TAFA1: variants seen among roughly 807,000 people sequenced by gnomAD.
The protein encoded by TAFA1 is TAFA chemokine like family member 1.
Under a neutral mutation model 18.5 loss-of-function variants are expected in TAFA1, and 4 were observed. That is an observed-to-expected ratio of 0.22 (90% CI 0.11 to 0.49). The LOEUF (loss-of-function observed/expected upper bound fraction) is 0.49. TAFA1 is among the 20% of genes least tolerant of loss of function. The pLI is 0.98. For synonymous variants in TAFA1, 56 were observed against 55.2 expected (o/e 1.01, Z -0.06); for missense variants, 147 against 169.0 (o/e 0.87, Z 0.72).
intron 2 of TAFA1, among the ~76,000 whole-genome samples, chr3:68,337,432 A>G (rs927918558): frequency 1.3e-5 from 2 of 152,114 alleles, no homozygotes; most frequent in Admixed American, 6.5e-5. Context: ...TACCTCCAAC[A>G]CTGGGGATTA....
intron 2 of TAFA1, among the ~76,000 whole-genome samples, chr3:68,405,536 A>C (rs1342749207): frequency 6.6e-6 from 1 of 150,436 alleles, no homozygotes; most frequent in Admixed American, 6.6e-5. Flanking sequence ...CTCTACAAAA[A>C]TACAAATCAA....
At chr3:68,023,159 A>G (rs1704735058) in intron 2 of TAFA1, among the ~76,000 whole-genome samples, 1 of 151,940 alleles carries the variant, frequency 6.6e-6, no homozygotes, top group African/African-American at 2.4e-5. Context: ...TTTGTTTGTG[A>G]TGGACAGCGT....
At chr3:68,080,992 C>T (rs2064891059) in intron 2 of TAFA1, among the ~76,000 whole-genome samples, 2 of 152,126 alleles carry the variant, frequency 1.3e-5, no homozygotes, top group African/African-American at 4.8e-5. Flanking sequence ...TCCCATATTT[C>T]TTGGAGGCTT....
At chr3:68,121,241 G>GTTT (rs72584290) in intron 2 of TAFA1, among the ~76,000 whole-genome samples, 1 of 119,352 alleles carries the variant, frequency 8.4e-6, no homozygotes, top group African/African-American at 3.2e-5. Context: ...CTTCTCAAAT[G>GTTT]TACATTAATG....
At chr3:68,270,662 G>T (rs72924569) in intron 2 of TAFA1, among the ~76,000 whole-genome samples, 11,732 of 152,172 alleles carry the variant, frequency 0.077, 574 homozygotes, top group African/African-American at 0.13. Flanking sequence ...CTTCCTTTTG[G>T]CTGGAGCTAC....
chr3:67,993,663 A>G, the TAFA1 span, among the ~76,000 whole-genome samples: 144,080 of 152,260 alleles, frequency 0.95, 68,281 homozygotes, highest in South Asian at 0.98. Context: ...ACTGGCTGCC[A>G]TAGATATGTG....
intron 2 of TAFA1, among the ~76,000 whole-genome samples, chr3:68,211,088 G>A (rs537533480): frequency 3.0e-4 from 45 of 152,102 alleles, no homozygotes; most frequent in Admixed American, 1.1e-3. Flanking sequence ...TCCCCCAAGC[G>A]AGTGATCCAA....
At chr3:68,323,545 G>A (rs1258576541) in intron 2 of TAFA1, among the ~76,000 whole-genome samples, 4 of 152,204 alleles carry the variant, frequency 2.6e-5, no homozygotes, top group Admixed American at 2.0e-4. Flanking sequence ...GTCCTCGTAT[G>A]TGTAACTCTG....
At chr3:68,528,383 T>C (rs2073137847) in intron 3 of TAFA1, among the ~76,000 whole-genome samples, 1 of 152,224 alleles carries the variant, frequency 6.6e-6, no homozygotes, top group Non-Finnish European at 1.5e-5. Flanking sequence ...CCCAAGAGTT[T>C]AGAGTCTTAG....
chr3:68,147,444 G>A (rs1338028319), intron 2 of TAFA1, among the ~76,000 whole-genome samples: 1 of 151,884 alleles, frequency 6.6e-6, no homozygotes, highest in African/African-American at 2.4e-5. Flanking sequence ...GTCCAGCCTA[G>A]TGTCTCTCCC....
chr3:68,429,895 T>C (rs1354430595), intron 3 of TAFA1, among the ~76,000 whole-genome samples: 1 of 151,956 alleles, frequency 6.6e-6, no homozygotes, highest in African/African-American at 2.4e-5. Context: ...CATAACTCAC[T>C]GTAATGTACT....
intron 2 of TAFA1, among the ~76,000 whole-genome samples, chr3:68,115,769 A>G (rs1307454715): frequency 6.6e-6 from 1 of 152,104 alleles, no homozygotes; most frequent in Non-Finnish European, 1.5e-5. Context: ...TCCCCATCCT[A>G]TTTTTTTGTG....
At chr3:68,168,430 A>G (rs1351609859) in intron 2 of TAFA1, among the ~76,000 whole-genome samples, 2 of 152,244 alleles carry the variant, frequency 1.3e-5, no homozygotes, top group East Asian at 1.9e-4. Context: ...CACATATGCC[A>G]GCTTTTAAAG....
chr3:68,140,494 A>T (rs987547181), intron 2 of TAFA1, among the ~76,000 whole-genome samples: 16 of 152,200 alleles, frequency 1.1e-4, no homozygotes, highest in Admixed American at 7.2e-4. Context: ...TAAAAGAGGA[A>T]GTGCATGTAT....
intron 3 of TAFA1, among the ~76,000 whole-genome samples, chr3:68,500,667 G>A (rs976883530): frequency 3.0e-4 from 45 of 151,376 alleles, no homozygotes; most frequent in African/African-American, 1.1e-3. Context: ...ATGAGTATGT[G>A]ACGTACAAGG....
intron 2 of TAFA1, among the ~76,000 whole-genome samples, chr3:68,038,943 A>G (rs1705109355): frequency 6.6e-6 from 1 of 152,162 alleles, no homozygotes; most frequent in African/African-American, 2.4e-5. Context: ...TTTTCTACTA[A>G]TCTGTCACCC....
intron 2 of TAFA1, among the ~76,000 whole-genome samples, chr3:68,230,339 T>C (rs556607011): frequency 2.7e-4 from 41 of 152,060 alleles, no homozygotes; most frequent in Non-Finnish European, 8.8e-5. Context: ...TCAATTTTTT[T>C]TAATCCCACA....
At chr3:68,469,111 A>G (rs1575895603) in intron 3 of TAFA1, among the ~76,000 whole-genome samples, 1 of 152,168 alleles carries the variant, frequency 6.6e-6, no homozygotes, top group African/African-American at 2.4e-5. Context: ...ACACATTTGG[A>G]GTATTTTTAC....
chr3:68,249,503 C>T (rs1356697841), intron 2 of TAFA1, among the ~76,000 whole-genome samples: 1 of 152,116 alleles, frequency 6.6e-6, no homozygotes, highest in Non-Finnish European at 1.5e-5. Flanking sequence ...TCCTATGTAT[C>T]AAACAGCATA....
Sources: gnomAD v4.1 joint callset for allele counts (sites outside exome capture counted in the v4.1 genomes callset) on GRCh38, gnomAD v4.1.1 for gene constraint, MANE v1.5 for transcripts, NCBI Gene and HGNC (gene_info 2026-07-23, HGNC 2026-07-21) for gene names.